TMPO: variants seen among roughly 807,000 people sequenced by gnomAD.
The protein encoded by TMPO is LEM domain containing 4.
A neutral mutation model predicts 45.4 loss-of-function variants in TMPO; 22 were observed. That is an observed-to-expected ratio of 0.48 (90% confidence interval 0.35 to 0.69). TMPO has a LOEUF of 0.69. Among genes scored for constraint, TMPO ranks in the 30% least tolerant of loss-of-function variants. TMPO has a pLI of 0.01. For missense variants in TMPO, 512 were observed against 548.8 expected, an observed-to-expected ratio of 0.93 and a Z score of 0.67; for synonymous variants, 241 against 204.1, an observed-to-expected ratio of 1.18 and a Z score of -1.54.
Position 98,544,295 on chromosome 12 carries a change from G to A in TMPO, c.729G>A (p.Leu243=). 1 of 1,613,960 alleles carries A rather than the reference G, an allele frequency of 6.2e-7. No homozygotes were observed. Among genetic ancestry groups the A allele is most frequent in the East Asian group, 2.2e-5 (1 of 44,850 alleles). The change falls in exon 5 of 9, where the codon CTG becomes CTA. Residue 243 remains leucine, a synonymous_variant. Transcript: ENST00000556029. ...GTGGATCTTCAAAAGGCGGACCTCTGCAGGCATTAACTAGGGAATCTACAA... is the reference window on the plus strand; with the variant it reads ...GTGGATCTTCAAAAGGCGGACCTCTACAGGCATTAACTAGGGAATCTACAA... The part of the protein sequence containing the change: ...WTSGSSKGGP[L]QALTRESTRG...
intron 1 of TMPO, among the ~76,000 whole-genome samples, chr12:98,524,926 T>A (rs1421675541): frequency 6.6e-6 from 1 of 152,160 alleles, no homozygotes; most frequent in Non-Finnish European, 1.5e-5. Context: ...CTCAGGCGGG[T>A]TTGAAAAGTT....
In TMPO at chr12:98,515,730, G is replaced by A. The variant is rs955380948; in HGVS notation, c.-138G>A. ...CTTGGCTTTGTGTCCGCGAGTTTTT[G>A]TTCCGCTCCGCAGCGCTCTTCCCGG... On this transcript the variant is annotated 5_prime_UTR_variant, in exon 1 of 9. Transcript: ENST00000556029. The A allele has an allele frequency of 1.2e-5, 18 of 1,520,222 alleles. No homozygotes were observed. The highest frequency in any genetic ancestry group is 1.6e-5 in the Non-Finnish European group (18 of 1,132,884). The allele number at this position is 1,520,222 out of a possible 1,614,324, so 94.2% of individuals were successfully genotyped here.
intron 2 of TMPO, among the ~76,000 whole-genome samples, chr12:98,530,710 A>G (rs746954076): frequency 2.0e-5 from 3 of 152,248 alleles, no homozygotes; most frequent in Non-Finnish European, 2.9e-5. Flanking sequence ...ATAACTGAAT[A>G]CAGGCATATT....
At chr12:98,537,800 G>A (rs141648073) in intron 4 of TMPO, 1 of 606,016 alleles carries the variant, frequency 1.7e-6, no homozygotes, top group East Asian at 2.7e-5. Context: ...TTGAGTCTGT[G>A]CTAGATGTAG....
At chr12:98,544,827 G>T (rs1878124520) in intron 6 of TMPO, 124 bp from the exon 7 acceptor site, 4 of 818,642 alleles carry the variant, frequency 4.9e-6, no homozygotes, top group Non-Finnish European at 6.2e-6. Flanking sequence ...TGTAGGCTGT[G>T]TTGCTTAAAT....
rs1308561479 is a variant in TMPO, at chr12:98,548,480, G to C, written c.*622G>C. On this transcript the variant is annotated 3_prime_UTR_variant, in exon 9 of 9. Transcript: ENST00000556029. ...ACAGTATCATGAAAGTCCTATTTCA[G>C]TAAGACCCATTTACATACAGTAGAT... The C allele has an allele frequency of 6.6e-6, 1 of 152,656 alleles. No individual in the cohort carries two copies. The highest frequency in any genetic ancestry group is 1.5e-5 in the Non-Finnish European group (1 of 68,154). The allele number at this position is 152,656 out of a possible 1,614,324, so 9.5% of individuals were successfully genotyped here. A position where few individuals can be genotyped will look rare whatever the true frequency, so the allele number is the denominator to read the frequency against.
In TMPO at chr12:98,528,144, G is replaced by A. The variant is rs1876919147; in HGVS notation, c.406+132G>A. On this transcript the variant is annotated intron_variant, in intron 2 of 8. Coordinates refer to ENST00000556029, the MANE Select transcript of TMPO (RefSeq NM_001032283.3). Reference sequence around the variant, plus strand: ...TAATCATTTGTTATCAGCAGAACCTGTGTTTCTTTGACTGTAAATGAGTGA... The same window carrying A: ...TAATCATTTGTTATCAGCAGAACCTATGTTTCTTTGACTGTAAATGAGTGA... 3.4e-5 allele frequency: 34 copies of A among 989,406 alleles called. 1 individual carries two copies. In the South Asian group the frequency reaches 3.9e-4, roughly 11 times the overall value. The allele number at this position is 989,406 out of a possible 1,614,324, so 61.3% of individuals were successfully genotyped here. A position where few individuals can be genotyped will look rare whatever the true frequency, so the allele number is the denominator to read the frequency against.
intron 1 of TMPO, among the ~76,000 whole-genome samples, chr12:98,518,145 CAAA>C (rs35978276): frequency 4.4e-4 from 43 of 98,292 alleles, no homozygotes; most frequent in African/African-American, 1.0e-3. Flanking sequence ...GACTTCGTCT[CAAA>C]AAAAAAAAAA....
intron 4 of TMPO, among the ~76,000 whole-genome samples, chr12:98,542,967 A>G (rs1461073002): frequency 6.6e-6 from 1 of 152,224 alleles, no homozygotes; most frequent in African/African-American, 2.4e-5. Context: ...ATACTTCCTA[A>G]TTGATAGGAT....
rs1227446861 is a variant in TMPO, at chr12:98,534,069, T to C, written c.565+2231T>C. 6.2e-7 allele frequency: 1 copy of C among 1,609,534 alleles called. No homozygotes were observed. Among genetic ancestry groups the C allele is most frequent in the African/African-American group, 1.3e-5 (1 of 74,874 alleles). On this transcript the variant is annotated intron_variant, in intron 3 of 8. Coordinates refer to ENST00000556029, the MANE Select transcript of TMPO (RefSeq NM_001032283.3). Reference sequence around the variant, plus strand: ...ACATTAGTCAAGCTGCACAGATTCTTAGCTCAGATCCTAGTCGTACCCACC... The same window carrying C: ...ACATTAGTCAAGCTGCACAGATTCTCAGCTCAGATCCTAGTCGTACCCACC...
chr12:98,534,950 TA>T, intron 3 of TMPO: 1 of 918,794 alleles, frequency 1.1e-6, no homozygotes, highest in South Asian at 5.0e-5. Context: ...CACAAGAATT[TA>T]AATCTAGAGA....
chr12:98,531,726 A>C lies in TMPO; in HGVS notation c.453A>C (p.Glu151Asp). 5 of 1,613,428 alleles carry C rather than the reference A, an allele frequency of 3.1e-6. No individual in the cohort carries two copies. The highest frequency in any genetic ancestry group is 4.2e-6 in the Non-Finnish European group (5 of 1,179,920). Residue 151 changes from glutamate to aspartate, a missense_variant, in exon 3 of 9, where the codon GAA becomes GAC. This residue lies in a region of TMPO where 299 missense variants were observed against 296.7 expected (regional missense o/e 1.01). Transcript: ENST00000556029. ...AGAAAAAGCTTTTGAAACTGAGGGA[A>C]CAAGGAACAGAATCAAGATCTTCTA... ...LYEKKLLKLR[E>D]QGTESRSSTP...
In TMPO at chr12:98,534,264, T is replaced by C. The variant is rs1877426910; in HGVS notation, c.565+2426T>C. 1.7e-5 allele frequency: 27 copies of C among 1,613,694 alleles called. No homozygotes were observed. Among genetic ancestry groups the C allele is most frequent in the Non-Finnish European group, 2.2e-5 (26 of 1,179,906 alleles). On this transcript the variant is annotated intron_variant, in intron 3 of 8. Transcript: ENST00000556029. ...ATTTAGCTTCTAAGAATAAGCTGGCTTCCACTCCCTTTAAAGGTGGAACAT... is the reference window on the plus strand; with the variant it reads ...ATTTAGCTTCTAAGAATAAGCTGGCCTCCACTCCCTTTAAAGGTGGAACAT...
At chr12:98,519,411 C>G (rs1011463266) in intron 1 of TMPO, among the ~76,000 whole-genome samples, 3 of 152,110 alleles carry the variant, frequency 2.0e-5, no homozygotes, top group African/African-American at 7.2e-5. Context: ...GTTGGCCAGG[C>G]TGGTCTGGAA....
chr12:98,542,402 G>A (rs1467343313), intron 4 of TMPO, among the ~76,000 whole-genome samples: 2 of 150,336 alleles, frequency 1.3e-5, no homozygotes, highest in African/African-American at 4.9e-5. Flanking sequence ...TCTATTCCCA[G>A]ACCTGGAGAG....
chr12:98,547,911 A>G lies in TMPO; in HGVS notation c.*53A>G. 1.3e-6 allele frequency: 2 copies of G among 1,592,468 alleles called. No individual in the cohort carries two copies. Among genetic ancestry groups the G allele is most frequent in the Non-Finnish European group, 1.7e-6 (2 of 1,163,566 alleles). On this transcript the variant is annotated 3_prime_UTR_variant, in exon 9 of 9. Transcript: ENST00000556029. Reference sequence around the variant, plus strand: ...GGTCTCCTATTTTCAATAACTGTTGAAAAACATTTGTGTACACTTGTTGAC... The same window carrying G: ...GGTCTCCTATTTTCAATAACTGTTGGAAAACATTTGTGTACACTTGTTGAC...
chr12:98,522,890 C>T (rs913540894), intron 1 of TMPO, among the ~76,000 whole-genome samples: 1 of 152,096 alleles, frequency 6.6e-6, no homozygotes, highest in Non-Finnish European at 1.5e-5. Flanking sequence ...CAACTCAGTA[C>T]GTAATACATA....
chr12:98,544,634 A>G, intron 6 of TMPO, 97 bp downstream of exon 6: 1 of 1,000,736 alleles, frequency 1.0e-6, no homozygotes, highest in Non-Finnish European at 1.4e-6. Flanking sequence ...TCTCAAATTT[A>G]CATGTTTTTT....
chr12:98,518,686 T>TG (rs983808951), intron 1 of TMPO, among the ~76,000 whole-genome samples: 2 of 151,930 alleles, frequency 1.3e-5, no homozygotes, highest in East Asian at 1.9e-4. Context: ...TGTGTTCTTT[T>TG]GGGGGGTAAG....
Sources: gnomAD v4.1 joint callset for allele counts (sites outside exome capture counted in the v4.1 genomes callset) on GRCh38, gnomAD v4.1.1 for gene constraint, gnomAD v4.1.1 regional missense constraint, MANE v1.5 for transcripts, NCBI Gene and HGNC (gene_info 2026-07-23, HGNC 2026-07-21) for gene names.